Variants in PRKN observed in about 807,000 individuals in gnomAD.
PRKN encodes the protein E3 ubiquitin-protein ligase parkin.
Under a neutral mutation model 59.5 loss-of-function variants are expected in PRKN, and 56 were observed. That is an observed-to-expected ratio of 0.94 (90% CI 0.76 to 1.18). PRKN has a LOEUF of 1.18. Ranked by LOEUF, PRKN falls within the 50% of genes most tolerant of loss-of-function variation. The probability of loss-of-function intolerance (pLI) is 0.00; values close to 1 mark genes in which losing one functional copy is unlikely to be tolerated. For synonymous variants in PRKN, 250 were observed against 222.1 expected (o/e 1.13, Z -1.12); for missense variants, 657 against 596.4 (o/e 1.10, Z -1.06).
intron 1 of PRKN, among the ~76,000 whole-genome samples, chr6:162,625,649 ATG>A (rs969057289): frequency 2.2e-4 from 33 of 151,402 alleles, no homozygotes; most frequent in African/African-American, 7.3e-4. Context: ...CACCATTTGC[ATG>A]TGTGTGTGTA....
chr6:162,448,011 G>C (rs1413156290), intron 1 of PRKN, among the ~76,000 whole-genome samples: 2 of 152,148 alleles, frequency 1.3e-5, no homozygotes, highest in African/African-American at 4.8e-5. Context: ...TGATGCCTCA[G>C]ACAGTTTTGC....
intron 4 of PRKN, among the ~76,000 whole-genome samples, chr6:162,076,428 A>C (rs954817128): frequency 1.3e-5 from 2 of 152,172 alleles, no homozygotes; most frequent in Non-Finnish European, 2.9e-5. Flanking sequence ...TCTAGTCTAT[A>C]AATTTCCCTC....
chr6:162,238,280 G>A (rs1049261726), intron 3 of PRKN, among the ~76,000 whole-genome samples: 5 of 152,166 alleles, frequency 3.3e-5, no homozygotes, highest in African/African-American at 1.2e-4. Flanking sequence ...GAAACATGCT[G>A]CATGGGTTTG....
Position 161,550,908 on chromosome 6 carries a change from T to G in PRKN, c.934-1905A>C, listed in dbSNP as rs1021248530. Among the ~76,000 whole-genome samples the G allele has an allele frequency of 6.6e-6, 1 of 152,140 alleles. No homozygotes were observed. Among genetic ancestry groups the G allele is most frequent in the African/African-American group, 2.4e-5 (1 of 41,432 alleles). On this transcript the variant is annotated intron_variant, in intron 8 of 11. Coordinates refer to ENST00000366898, the MANE Select transcript of PRKN (RefSeq NM_004562.3). This position sits in a 1 kb window ranked among gnomAD's most constrained non-coding sequence, Gnocchi z 4.0. ...AGGCATGGGTCCTGGGTACAAATTT[T>G]GAAGTCATTAGCCTGAGCCTCTAAT... is the stretch of plus-strand genomic sequence containing the variant.
intron 1 of PRKN, among the ~76,000 whole-genome samples, chr6:162,720,867 T>G (rs191906356): frequency 1.3e-5 from 2 of 152,182 alleles, no homozygotes; most frequent in Non-Finnish European, 2.9e-5. Flanking sequence ...CATTGTTCTC[T>G]CCACACAGAG....
At chr6:162,668,035 G>A (rs1272575847) in intron 1 of PRKN, among the ~76,000 whole-genome samples, 1 of 152,148 alleles carries the variant, frequency 6.6e-6, no homozygotes, top group Non-Finnish European at 1.5e-5. Context: ...TAAGAGAAGT[G>A]TCATATACAT....
chr6:162,644,239 C>A (rs892683354), intron 1 of PRKN, among the ~76,000 whole-genome samples: 1 of 152,160 alleles, frequency 6.6e-6, no homozygotes, highest in Non-Finnish European at 1.5e-5. Flanking sequence ...GGCTACTAAG[C>A]CCCACCCTCA....
Position 161,397,567 on chromosome 6 carries a change from T to C in PRKN, c.1084-10690A>G, listed in dbSNP as rs1025427192. 2.0e-5 allele frequency among the ~76,000 whole-genome samples: 3 copies of C among 152,220 alleles called. No homozygotes were observed. Among genetic ancestry groups the C allele is most frequent in the Admixed American group, 1.3e-4 (2 of 15,284 alleles). The stretch of plus-strand genomic sequence containing the variant: ...CCAACTCCTCTTTTAAGATGCACTT[T>C]GCCTATTGCATATTTCCATTTGGAT... On this transcript the variant is annotated intron_variant, in intron 9 of 11. Transcript: ENST00000366898. This position sits in a 1 kb window ranked among gnomAD's most constrained non-coding sequence, Gnocchi z 4.2.
At chr6:162,438,262 A>C (rs899866000) in intron 2 of PRKN, among the ~76,000 whole-genome samples, 2 of 152,276 alleles carry the variant, frequency 1.3e-5, no homozygotes, top group East Asian at 1.9e-4. Context: ...TTTCTTCTAC[A>C]TGTAGAACTA....
intron 6 of PRKN, among the ~76,000 whole-genome samples, chr6:161,855,074 C>T (rs1209599940): frequency 4.0e-5 from 5 of 126,314 alleles, no homozygotes. Context: ...CAGAGTGAGA[C>T]TTCATCTCAA....
intron 6 of PRKN, among the ~76,000 whole-genome samples, chr6:161,844,742 G>A (rs1020339566): frequency 1.3e-5 from 2 of 152,226 alleles, no homozygotes; most frequent in Non-Finnish European, 2.9e-5. Context: ...CAAAACAGAA[G>A]GGGGTATAAG....
At chr6:162,357,201 G>A (rs1322132602) in intron 2 of PRKN, among the ~76,000 whole-genome samples, 1 of 152,046 alleles carries the variant, frequency 6.6e-6, no homozygotes, top group Non-Finnish European at 1.5e-5. Flanking sequence ...CACAATCAGA[G>A]AGAAAATATT....
chr6:161,719,242 T>G (rs942212688), intron 7 of PRKN, among the ~76,000 whole-genome samples: 5 of 152,008 alleles, frequency 3.3e-5, no homozygotes, highest in African/African-American at 1.2e-4. Flanking sequence ...TTTTAAGTAT[T>G]TTTAAGTATT....
At chr6:162,097,092 G>T (rs893026324) in intron 4 of PRKN, among the ~76,000 whole-genome samples, 1 of 151,970 alleles carries the variant, frequency 6.6e-6, no homozygotes, top group Non-Finnish European at 1.5e-5. Context: ...TGGTCAGGCT[G>T]GTCTTGAACT....
intron 4 of PRKN, among the ~76,000 whole-genome samples, chr6:162,115,498 TAATA>T (rs1238180440): frequency 1.4e-5 from 2 of 148,070 alleles, no homozygotes; most frequent in South Asian, 2.1e-4. Flanking sequence ...AGTATAATAA[TAATA>T]AATAAATACA....
At chr6:161,906,300 C>A (rs1018137437) in intron 6 of PRKN, among the ~76,000 whole-genome samples, 6 of 152,240 alleles carry the variant, frequency 3.9e-5, no homozygotes, top group African/African-American at 1.2e-4. Flanking sequence ...TGTCTTAACT[C>A]GTTTACACAT....
At chr6:161,816,727 CAAA>C (rs36108714) in intron 6 of PRKN, among the ~76,000 whole-genome samples, 11 of 141,460 alleles carry the variant, frequency 7.8e-5, no homozygotes, top group Non-Finnish European at 1.4e-4. Flanking sequence ...GACTCCATCT[CAAA>C]AAAAAAAAAA....
chr6:162,682,438 T>A lies in PRKN; in HGVS notation c.7+45224A>T, dbSNP rs1019126308. Among the ~76,000 whole-genome samples, 3 of 152,108 alleles carry A rather than the reference T, an allele frequency of 2.0e-5. No individual in the cohort carries two copies. In the South Asian group the frequency reaches 6.2e-4, roughly 32 times the overall value. On this transcript the variant is annotated intron_variant, in intron 1 of 11. Transcript: ENST00000366898. ...TATGCAGCCATAAAAAAGAATGAAA[T>A]CATGTCCTTTGAAGCAACATGCATG...
intron 2 of PRKN, among the ~76,000 whole-genome samples, chr6:162,307,035 C>T (rs1030257870): frequency 1.3e-5 from 2 of 152,038 alleles, no homozygotes; most frequent in African/African-American, 4.8e-5. Context: ...TGGGCCAATC[C>T]CCACCCACCT....
Sources: allele counts gnomAD v4.1 joint callset (sites outside exome capture counted in the v4.1 genomes callset), GRCh38; gene constraint gnomAD v4.1.1; non-coding constraint Gnocchi (gnomAD v3.1); transcripts MANE v1.5; gene names NCBI Gene and HGNC (gene_info 2026-07-23, HGNC 2026-07-21).